ADAMTS9: variants seen among roughly 807,000 people sequenced by gnomAD.
ADAMTS9 encodes the protein ADAM metallopeptidase with thrombospondin type 1 motif 9, also known as A disintegrin and metalloproteinase with thrombospondin motifs 9.
In ADAMTS9, 107 loss-of-function variants were observed where a neutral mutation model predicts 257.1. The observed-to-expected ratio is 0.42, with a 90% confidence interval of 0.36 to 0.49. The LOEUF (loss-of-function observed/expected upper bound fraction) is 0.49, where lower values mean the gene tolerates loss of function less well. ADAMTS9 is among the 20% of genes least tolerant of loss of function. The pLI is 0.03. For missense variants in ADAMTS9, 2,353 were observed against 2,469.1 expected (o/e 0.95, Z 1.00); for synonymous variants, 982 against 880.9 (o/e 1.11, Z -2.03).
Position 64,546,969 on chromosome 3 carries a change from T to G in ADAMTS9, c.4870-17A>C, listed in dbSNP as rs756814316. ...CACTGAGCACTGCAAAGACAGGGAT[T>G]GAGAGGAGAGGTTCGAGCAGTTCCT... On this transcript the variant is annotated splice_polypyrimidine_tract_variant and intron_variant, in intron 31 of 39. Transcript: ENST00000498707. The G allele has an allele frequency of 1.3e-6, 2 of 1,595,690 alleles. No homozygotes were observed. Among genetic ancestry groups the G allele is most frequent in the Admixed American group, 3.4e-5 (2 of 59,160 alleles).
chr3:64,632,997 G>A (rs1700406915), intron 14 of ADAMTS9, among the ~76,000 whole-genome samples: 1 of 152,108 alleles, frequency 6.6e-6, no homozygotes, highest in Non-Finnish European at 1.5e-5. Context: ...TCCCTTTCAA[G>A]AATAATTAAT....
At chr3:64,612,380 G>A (rs1046008419) in intron 22 of ADAMTS9, among the ~76,000 whole-genome samples, 54 of 152,156 alleles carry the variant, frequency 3.5e-4, no homozygotes, top group African/African-American at 1.3e-3. Context: ...ACAAAAAGAA[G>A]ATGAGATTAG....
At chr3:64,542,220 TAC>T (rs60208170) in intron 32 of ADAMTS9, among the ~76,000 whole-genome samples, 218 of 133,084 alleles carry the variant, frequency 1.6e-3, no homozygotes, top group South Asian at 9.1e-3. Flanking sequence ...TGTGTAATTT[TAC>T]ACACACACAC....
intron 2 of ADAMTS9, among the ~76,000 whole-genome samples, chr3:64,683,485 A>T (rs1197390613): frequency 6.6e-6 from 1 of 152,212 alleles, no homozygotes; most frequent in Non-Finnish European, 1.5e-5. Context: ...GAGCTGTGAG[A>T]TCTTGAGCAA....
intron 31 of ADAMTS9, 41 bp downstream of exon 31, chr3:64,550,851 C>T: frequency 1.9e-6 from 3 of 1,610,394 alleles, no homozygotes; most frequent in Non-Finnish European, 2.5e-6. Context: ...ACTCTCAGGC[C>T]ATGGCTGAGC....
intron 31 of ADAMTS9, among the ~76,000 whole-genome samples, chr3:64,547,380 A>C (rs989707665): frequency 6.6e-6 from 1 of 152,072 alleles, no homozygotes; most frequent in African/African-American, 2.4e-5. Context: ...GTGAGTCGGC[A>C]TTTTGAGTGT....
rs1425630744 is a variant in ADAMTS9, at chr3:64,687,765, G to T, written c.-108C>A. The stretch of plus-strand genomic sequence containing the variant: ...CCGTGGAGAGCGCGCGGAGCCCGGC[G>T]CCCGCCGCCAACTTTTGACTTTAGG... On this transcript the variant is annotated 5_prime_UTR_variant, in exon 1 of 40. Coordinates refer to ENST00000498707, the MANE Select transcript of ADAMTS9 (RefSeq NM_182920.2). The surrounding 1 kb of genome is among the most constrained non-coding windows in gnomAD (Gnocchi z 4.4). 2.4e-6 allele frequency: 2 copies of T among 841,696 alleles called. No individual in the cohort carries two copies. Among genetic ancestry groups the T allele is most frequent in the Admixed American group, 3.7e-5 (1 of 26,824 alleles). 52.1% of individuals were successfully genotyped at this position (841,696 alleles called of 1,614,324 possible). A position where few individuals can be genotyped will look rare whatever the true frequency, so the allele number is the denominator to read the frequency against.
At chr3:64,539,180 G>A in intron 37 of ADAMTS9, 23 bp downstream of exon 37, 5 of 1,594,214 alleles carry the variant, frequency 3.1e-6, no homozygotes, top group Non-Finnish European at 4.3e-6. Context: ...TCCCTGGCAA[G>A]GGGGAAGGCA....
In ADAMTS9 at chr3:64,679,815, C is replaced by T. The variant is rs62247619; in HGVS notation, c.679+1386G>A. On this transcript the variant is annotated intron_variant, in intron 3 of 39. Transcript: ENST00000498707. Reference sequence around the variant, plus strand: ...GTTTAGGTCAATGGTCTTACTAGCACGGTCAAAACTGTGATAAATGTCCTG... The same window carrying T: ...GTTTAGGTCAATGGTCTTACTAGCATGGTCAAAACTGTGATAAATGTCCTG... Among the ~76,000 whole-genome samples the T allele has an allele frequency of 4.8e-3, 728 of 152,304 alleles. 4 individuals are homozygous for T. The highest frequency in any genetic ancestry group is 7.9e-3 in the Non-Finnish European group (535 of 68,032).
Position 64,687,074 on chromosome 3 carries a change from C to T in ADAMTS9, c.116-106G>A. On this transcript the variant is annotated intron_variant, in intron 1 of 39. Transcript: ENST00000498707. This position sits in a 1 kb window ranked among gnomAD's most constrained non-coding sequence, Gnocchi z 4.4. Reference sequence around the variant, plus strand: ...TTCTGACCTTATTTTCCAGCCCATTCGAGTCAATCCCTTCACCCTTAATCA... The same window carrying T: ...TTCTGACCTTATTTTCCAGCCCATTTGAGTCAATCCCTTCACCCTTAATCA... 1 of 1,338,336 alleles carries T rather than the reference C, an allele frequency of 7.5e-7. No individual in the cohort carries two copies. Among genetic ancestry groups the T allele is most frequent in the Non-Finnish European group, 1.0e-6 (1 of 979,984 alleles). 82.9% of individuals were successfully genotyped at this position (1,338,336 alleles called of 1,614,324 possible). A position where few individuals can be genotyped will look rare whatever the true frequency, so the allele number is the denominator to read the frequency against.
chr3:64,549,166 T>C (rs2083239170), intron 31 of ADAMTS9, among the ~76,000 whole-genome samples: 1 of 152,232 alleles, frequency 6.6e-6, no homozygotes, highest in Non-Finnish European at 1.5e-5. Flanking sequence ...CTGTGCTAAA[T>C]ACTGTTTCCA....
chr3:64,649,925 A>G (rs1700891101), intron 9 of ADAMTS9, 147 bp from the exon 10 acceptor site: 2 of 1,013,422 alleles, frequency 2.0e-6, no homozygotes, highest in Non-Finnish European at 2.8e-6. Context: ...ATCCAAGATT[A>G]AATCCAGATG....
At chr3:64,615,204 A>G in intron 21 of ADAMTS9, 117 bp downstream of exon 21, 1 of 1,210,908 alleles carries the variant, frequency 8.3e-7, no homozygotes, top group Non-Finnish European at 1.2e-6. Context: ...AAGGGAGACA[A>G]GGGAGAAAGG....
At chr3:64,594,527 T>C in intron 27 of ADAMTS9, 93 bp from the exon 28 acceptor site, 4 of 1,493,702 alleles carry the variant, frequency 2.7e-6, no homozygotes, top group Middle Eastern at 1.8e-4. Context: ...AACTCAATTA[T>C]GGCATTGGGC....
chr3:64,624,794 T>G (rs1036171114), intron 16 of ADAMTS9, among the ~76,000 whole-genome samples: 1 of 151,268 alleles, frequency 6.6e-6, no homozygotes, highest in African/African-American at 2.4e-5. Context: ...CAAATAAATT[T>G]ATTTTCATAA....
intron 28 of ADAMTS9, among the ~76,000 whole-genome samples, chr3:64,570,695 CAAAAAAAAAAAA>C (rs143048322): frequency 4.2e-5 from 2 of 47,072 alleles, no homozygotes; most frequent in Admixed American, 5.5e-4. Context: ...GACTCCGTCT[CAAAAAAAAAAAA>C]AAAAAAAAAA....
intron 37 of ADAMTS9, among the ~76,000 whole-genome samples, chr3:64,536,979 G>A (rs1437367064): frequency 6.6e-6 from 1 of 152,148 alleles, no homozygotes; most frequent in African/African-American, 2.4e-5. Context: ...CAATCACTAG[G>A]TCAAAGGCTG....
chr3:64,545,004 G>GA (rs199932762), intron 32 of ADAMTS9, among the ~76,000 whole-genome samples: 133,248 of 150,642 alleles, frequency 0.88, 59,330 homozygotes, highest in South Asian at 0.97. Flanking sequence ...AAAGACACAT[G>GA]AAAAAATGCT....
At chr3:64,654,288 T>G in intron 8 of ADAMTS9, 65 bp downstream of exon 8, 1 of 1,470,724 alleles carries the variant, frequency 6.8e-7, no homozygotes, top group Non-Finnish European at 9.4e-7. Context: ...AAATGCTCAC[T>G]GATGCGAAGG....
Sources: allele counts gnomAD v4.1 joint callset (sites outside exome capture counted in the v4.1 genomes callset), GRCh38; gene constraint gnomAD v4.1.1; non-coding constraint Gnocchi (gnomAD v3.1); transcripts MANE v1.5; gene names NCBI Gene and HGNC (gene_info 2026-07-23, HGNC 2026-07-21).